NUDT7: variants seen among roughly 807,000 people sequenced by gnomAD.
The protein encoded by NUDT7 is peroxisomal coenzyme A diphosphatase NUDT7.
NUDT7 carries 19 observed loss-of-function variants against 13.1 expected under a neutral mutation model. The observed-to-expected ratio is 1.45, with a 90% CI of 1.01 to 2.13. The LOEUF (loss-of-function observed/expected upper bound fraction) is 2.13. Among genes scored for constraint, NUDT7 ranks in the 30% most tolerant of loss-of-function variants. The pLI, the probability that NUDT7 is intolerant of heterozygous loss-of-function variation, is 0.00. For synonymous variants in NUDT7, 132 were observed against 109.7 expected (o/e 1.20, Z -1.27); for missense variants, 360 against 291.7 (o/e 1.23, Z -1.71).
intron 2 of NUDT7, among the ~76,000 whole-genome samples, chr16:77,726,944 C>T (rs981855196): frequency 8.2e-6 from 1 of 122,356 alleles, no homozygotes; most frequent in Non-Finnish European, 1.7e-5. Flanking sequence ...GGGAGTGTAC[C>T]ATCATGGCAG....
intron 3 of NUDT7, among the ~76,000 whole-genome samples, chr16:77,738,211 C>G (rs907982367): frequency 6.6e-6 from 1 of 152,182 alleles, no homozygotes; most frequent in African/African-American, 2.4e-5. Context: ...TTTAGCTATA[C>G]TGATTAAAAG....
intron 2 of NUDT7, among the ~76,000 whole-genome samples, chr16:77,731,091 C>T (rs574662607): frequency 2.0e-5 from 3 of 152,014 alleles, no homozygotes; most frequent in South Asian, 2.1e-4. Flanking sequence ...TGAAGTAACC[C>T]CATGTTTTAT....
At chr16:77,725,377 T>C (rs2014097265) in intron 1 of NUDT7, 54 bp from the exon 2 acceptor site, 4 of 1,535,334 alleles carry the variant, frequency 2.6e-6, no homozygotes, top group Non-Finnish European at 3.5e-6. Context: ...GACTATAAGC[T>C]TTTTACCATA....
At chr16:77,739,598 T>G (rs2014595037) in intron 3 of NUDT7, among the ~76,000 whole-genome samples, 1 of 152,186 alleles carries the variant, frequency 6.6e-6, no homozygotes, top group Non-Finnish European at 1.5e-5. Context: ...GACTTGTATC[T>G]CAGTCTCATC....
intron 2 of NUDT7, chr16:77,735,474 C>G: frequency 1.5e-6 from 1 of 655,586 alleles, no homozygotes; most frequent in East Asian, 2.7e-5. Flanking sequence ...CAAGCAGACG[C>G]CAGCATCATG....
intron 3 of NUDT7, chr16:77,737,430 T>C (rs1286611367): frequency 1.3e-5 from 2 of 152,192 alleles, no homozygotes; most frequent in Non-Finnish European, 2.9e-5. Flanking sequence ...AGAGGTGAAG[T>C]GCTCTCATCA....
At chr16:77,741,281 G>C (rs1445797973) in intron 3 of NUDT7, among the ~76,000 whole-genome samples, 1 of 152,140 alleles carries the variant, frequency 6.6e-6, no homozygotes, top group Non-Finnish European at 1.5e-5. Flanking sequence ...ATACACAAAT[G>C]CAATTCCCAG....
At position 77,725,687 on chromosome 16, in the gene NUDT7, GC is replaced by G. The variant is rs1420970206; in HGVS notation, c.189+104del. 1.2e-5 allele frequency: 13 copies of G among 1,083,066 alleles called. No homozygotes were observed. The African/African-American group carries it at 1.9e-4, about 16-fold the overall frequency. 67.1% of individuals were successfully genotyped at this position (1,083,066 alleles called of 1,614,324 possible). A position where few individuals can be genotyped will look rare whatever the true frequency, so the allele number is the denominator to read the frequency against. On this transcript the variant is annotated intron_variant, in intron 2 of 3. Transcript: ENST00000268533. ...CTTTGATGCCAAAATTCTCAAAAGG[GC>G]TTTCAAAATTGTGATGTCAGAGGCA...
intron 2 of NUDT7, among the ~76,000 whole-genome samples, chr16:77,728,190 C>A (rs17773475): frequency 6.6e-5 from 10 of 152,154 alleles, no homozygotes; most frequent in Admixed American, 2.0e-4. Context: ...GTGGGTTAAC[C>A]CTTCTCAAAT....
intron 3 of NUDT7, among the ~76,000 whole-genome samples, chr16:77,738,088 C>T (rs1020033861): frequency 6.6e-5 from 10 of 152,156 alleles, no homozygotes; most frequent in Non-Finnish European, 1.5e-4. Flanking sequence ...TGGGATTACA[C>T]ACGAAATGTG....
chr16:77,742,110 C>A lies in NUDT7; in HGVS notation c.*160C>A. ...CTCTTTTCCAGTTGCCTTCTATTGT[C>A]TGAAAAAGTAAAAGCCATTCAAAAA... is the stretch of plus-strand genomic sequence containing the variant. On this transcript the variant is annotated 3_prime_UTR_variant, in exon 4 of 4. Coordinates refer to ENST00000268533, the MANE Select transcript of NUDT7 (RefSeq NM_001105663.3). 7.3e-7 allele frequency: 1 copy of A among 1,377,068 alleles called. No individual in the cohort carries two copies. Among genetic ancestry groups the A allele is most frequent in the Admixed American group, 3.3e-5 (1 of 30,094 alleles). The allele number at this position is 1,377,068 out of a possible 1,614,324, so 85.3% of individuals were successfully genotyped here.
intron 1 of NUDT7, among the ~76,000 whole-genome samples, chr16:77,724,928 TCA>T (rs2014082229): frequency 6.6e-6 from 1 of 152,186 alleles, no homozygotes; most frequent in Non-Finnish European, 1.5e-5. Flanking sequence ...AGTTACTGAG[TCA>T]CAGTCTGGGA....
chr16:77,741,895 C>T lies in NUDT7; in HGVS notation c.662C>T (p.Ala221Val). The change falls in exon 4 of 4, where the codon GCA becomes GTA. Residue 221 changes from alanine to valine, a missense_variant. Transcript: ENST00000268533. ...CAATTTAATCTTAATGATGTATTAG[C>T]ATCCTCTGAAGAGTTATTCCTGAAG... ...EVQFNLNDVLASSEELFLKVH... is the reference protein window; with the variant it reads ...EVQFNLNDVLVSSEELFLKVH... The T allele has an allele frequency of 1.2e-6, 2 of 1,613,688 alleles. No homozygotes were observed. Among genetic ancestry groups the T allele is most frequent in the Non-Finnish European group, 1.7e-6 (2 of 1,179,864 alleles).
intron 2 of NUDT7, among the ~76,000 whole-genome samples, chr16:77,727,000 T>G (rs2014158948): frequency 6.6e-6 from 1 of 151,780 alleles, no homozygotes; most frequent in African/African-American, 2.4e-5. Flanking sequence ...ACCACACACT[T>G]TTAAATGGCC....
At chr16:77,726,790 A>G (rs1006832821) in intron 2 of NUDT7, among the ~76,000 whole-genome samples, 1 of 152,108 alleles carries the variant, frequency 6.6e-6, no homozygotes, top group African/African-American at 2.4e-5. Flanking sequence ...GCGAGACTCC[A>G]TCTCAAAAAA....
intron 2 of NUDT7, among the ~76,000 whole-genome samples, chr16:77,731,025 C>T (rs1012264152): frequency 2.0e-5 from 3 of 152,080 alleles, no homozygotes; most frequent in African/African-American, 7.2e-5. Context: ...TCCCATTCCA[C>T]AGATTGTCTT....
intron 1 of NUDT7, among the ~76,000 whole-genome samples, chr16:77,723,629 G>T (rs976554783): frequency 3.8e-5 from 5 of 130,414 alleles, no homozygotes; most frequent in Admixed American, 1.8e-4. Flanking sequence ...GTCTCACTCT[G>T]CCGCCCTGGC....
chr16:77,730,248 T>C (rs1382573947), intron 2 of NUDT7, among the ~76,000 whole-genome samples: 2 of 152,164 alleles, frequency 1.3e-5, no homozygotes, highest in Non-Finnish European at 2.9e-5. Flanking sequence ...TGGCTGAAAC[T>C]TTTTATCTTT....
intron 2 of NUDT7, among the ~76,000 whole-genome samples, chr16:77,730,260 G>T (rs1395879386): frequency 4.0e-5 from 6 of 151,868 alleles, no homozygotes; most frequent in Non-Finnish European, 5.9e-5. Flanking sequence ...TTTATCTTTT[G>T]ACCAACATCT....
Sources: gnomAD v4.1 joint callset for allele counts (sites outside exome capture counted in the v4.1 genomes callset) on GRCh38, gnomAD v4.1.1 for gene constraint, MANE v1.5 for transcripts, NCBI Gene and HGNC (gene_info 2026-07-23, HGNC 2026-07-21) for gene names.